The following CCDC32 variants were observed in gnomAD, a reference collection of about 807,000 sequenced individuals.
The protein encoded by CCDC32 is coiled-coil domain-containing protein 32.
In CCDC32, 9 loss-of-function variants were observed where a neutral mutation model predicts 20.1. The observed-to-expected ratio is 0.45, with a 90% CI of 0.27 to 0.78. The LOEUF is 0.78. CCDC32 is among the 30% of genes least tolerant of loss of function. CCDC32 has a pLI of 0.16. For missense variants in CCDC32, 204 were observed against 215.5 expected (o/e 0.95, Z 0.33); for synonymous variants, 63 against 79.0 (o/e 0.80, Z 1.07).
rs538639372 is a variant in CCDC32, at chr15:40,553,797, T to C, written c.*174A>G. ...AGGTAAGTCCCTGGGGGCTTGCAGCTGTTTTCTTTGTGGAGTGGAAATTTG... is the reference window on the plus strand; with the variant it reads ...AGGTAAGTCCCTGGGGGCTTGCAGCCGTTTTCTTTGTGGAGTGGAAATTTG... On this transcript the variant is annotated 3_prime_UTR_variant, in exon 4 of 4. Transcript: ENST00000416810. 1 of 1,398,468 alleles carries C rather than the reference T, an allele frequency of 7.2e-7. No homozygotes were observed. The highest frequency in any genetic ancestry group is 9.3e-7 in the Non-Finnish European group (1 of 1,077,536). 86.6% of individuals were successfully genotyped at this position (1,398,468 alleles called of 1,614,324 possible).
Position 40,541,086 on chromosome 15 carries a change from C to T in CCDC32, c.402-1731G>A, listed in dbSNP as rs370930966. Among the ~76,000 whole-genome samples, 14 of 152,336 alleles carry T rather than the reference C, an allele frequency of 9.2e-5. No individual in the cohort carries two copies. The South Asian group carries it at 2.5e-3, about 27-fold the overall frequency. The stretch of plus-strand genomic sequence containing the variant: ...AAAGAGACTGTGCCAGATGCTCACG[C>T]GCTGCCTCACATCCCTCCAGCCCAT... On this transcript the variant is annotated intron_variant, in intron 3 of 3. Coordinates refer to the CCDC32 transcript ENST00000558113.
intron 1 of CCDC32, among the ~76,000 whole-genome samples, chr15:40,564,108 C>A (rs1243934426): frequency 2.0e-5 from 3 of 152,184 alleles, no homozygotes. Flanking sequence ...GCGTGAGCCA[C>A]CGCGCCCGGC....
At chr15:40,541,084 C>T (rs1419786018) in intron 3 of CCDC32, among the ~76,000 whole-genome samples, 1 of 152,234 alleles carries the variant, frequency 6.6e-6, no homozygotes, top group Non-Finnish European at 1.5e-5. Context: ...CAGATGCTCA[C>T]GCGCTGCCTC....
downstream of CCDC32, among the ~76,000 whole-genome samples, chr15:40,532,671 A>G (rs1283048734): frequency 6.6e-6 from 1 of 150,384 alleles, no homozygotes; most frequent in African/African-American, 2.4e-5. Context: ...TTATAATTTT[A>G]ATGATTTATA....
At chr15:40,535,419 G>A, downstream of CCDC32, 6 of 999,374 alleles carry the variant, frequency 6.0e-6, no homozygotes, top group Non-Finnish European at 7.2e-6. Flanking sequence ...AGTTCAAAAA[G>A]TGCTTTCATG....
chr15:40,554,090 T>C lies in CCDC32; in HGVS notation c.439A>G (p.Lys147Glu). 3 of 1,614,100 alleles carry C rather than the reference T, an allele frequency of 1.9e-6. No individual in the cohort carries two copies. The highest frequency in any genetic ancestry group is 2.5e-6 in the Non-Finnish European group (3 of 1,179,998). Residue 147 changes from lysine to glutamate, a missense_variant, in exon 4 of 4, where the codon AAA becomes GAA. Physicochemically the swap from Lys to Glu is moderately conservative, Grantham distance 56. Transcript: ENST00000416810. ...ACCTCCTCTGTGCTGACGGCTACTT[T>C]ATCTGGCTGGAGCCACCTCTTGAAA... is the stretch of plus-strand genomic sequence containing the variant. ...EHFKRWLQPD[K>E]VAVSTEEVQY...
chr15:40,526,932 A>G (rs1033569524), downstream of CCDC32, among the ~76,000 whole-genome samples: 3 of 152,036 alleles, frequency 2.0e-5, no homozygotes, highest in African/African-American at 7.2e-5. Flanking sequence ...AAGTAAATAT[A>G]CTGAATTTTT....
chr15:40,537,018 TAGTC>T (rs1344793679), downstream of CCDC32: 1 of 152,244 alleles, frequency 6.6e-6, no homozygotes, highest in Non-Finnish European at 1.5e-5. Context: ...TGGCATGAGA[TAGTC>T]AGCTGCCAGG....
chr15:40,528,568 A>G, downstream of CCDC32: 1 of 573,298 alleles, frequency 1.7e-6, no homozygotes, highest in Non-Finnish European at 3.1e-6. Context: ...TAGAGGCTGC[A>G]AAGAGTCCAG....
intron 1 of CCDC32, among the ~76,000 whole-genome samples, chr15:40,563,692 ACACACACACACACAC>A (rs1890812434): frequency 6.6e-6 from 1 of 152,046 alleles, no homozygotes; most frequent in Non-Finnish European, 1.5e-5. Flanking sequence ...ACACACACAC[ACACACACACACACAC>A]AAATCTGTAG....
At chr15:40,540,317 A>G (rs1595885622) in intron 3 of CCDC32, among the ~76,000 whole-genome samples, 1 of 151,434 alleles carries the variant, frequency 6.6e-6, no homozygotes, top group African/African-American at 2.4e-5. Flanking sequence ...GAGGCTTCTC[A>G]GGGTCTTTGA....
chr15:40,533,141 C>T (rs1334271235), downstream of CCDC32, among the ~76,000 whole-genome samples: 1 of 152,134 alleles, frequency 6.6e-6, no homozygotes, highest in Non-Finnish European at 1.5e-5. Context: ...CTTGTTTGAC[C>T]CTCATGATCC....
At chr15:40,548,451 T>A (rs984945556), downstream of CCDC32, among the ~76,000 whole-genome samples, 2 of 152,224 alleles carry the variant, frequency 1.3e-5, no homozygotes, top group African/African-American at 4.8e-5. Context: ...GCTTAGCTTA[T>A]GGTGCATTGG....
At chr15:40,522,663 A>C in the CCDC32 span, among the ~76,000 whole-genome samples, 1 of 152,276 alleles carries the variant, frequency 6.6e-6, no homozygotes, top group Non-Finnish European at 1.5e-5. Context: ...CTTAAATATC[A>C]GATGGTTCTA....
chr15:40,522,172 G>A, the CCDC32 span, among the ~76,000 whole-genome samples: 1 of 152,086 alleles, frequency 6.6e-6, no homozygotes, highest in African/African-American at 2.4e-5. Flanking sequence ...TTCCTTTGCA[G>A]TTGTATATCC....
At chr15:40,555,996 C>A (rs1016600105) in intron 3 of CCDC32, among the ~76,000 whole-genome samples, 1 of 152,184 alleles carries the variant, frequency 6.6e-6, no homozygotes. Context: ...TTGTTCTATA[C>A]CCTTTACAAA....
At chr15:40,544,159 G>T (rs1716306901) in intron 3 of CCDC32, among the ~76,000 whole-genome samples, 1 of 152,074 alleles carries the variant, frequency 6.6e-6, no homozygotes, top group South Asian at 2.1e-4. Context: ...GTCATAGTCA[G>T]TGCTCCAATG....
chr15:40,541,020 G>A (rs1382356426), intron 3 of CCDC32, among the ~76,000 whole-genome samples: 2 of 152,162 alleles, frequency 1.3e-5, no homozygotes, highest in Non-Finnish European at 2.9e-5. Context: ...AAAACCAAAG[G>A]TCCCGCACAG....
chr15:40,521,873 A>G, the CCDC32 span, among the ~76,000 whole-genome samples: 2 of 152,324 alleles, frequency 1.3e-5, no homozygotes, highest in South Asian at 4.1e-4. Context: ...CTTATCAGAT[A>G]TCTGATTTGC....
Sources: gnomAD v4.1 joint callset for allele counts (sites outside exome capture counted in the v4.1 genomes callset) on GRCh38, gnomAD v4.1.1 for gene constraint, MANE v1.5 for transcripts, NCBI Gene and HGNC (gene_info 2026-07-23, HGNC 2026-07-21) for gene names.